ADD1: variants seen among roughly 807,000 people sequenced by gnomAD.
ADD1 encodes alpha-adducin.
ADD1 carries 24 observed loss-of-function variants against 80.5 expected under a neutral mutation model. The observed-to-expected ratio is 0.30, with a 90% CI of 0.22 to 0.42. ADD1 has a LOEUF of 0.42. Among genes scored for constraint, ADD1 ranks in the 10% least tolerant of loss-of-function variants. The probability of loss-of-function intolerance (pLI) is 1.00; values close to 1 mark genes in which losing one functional copy is unlikely to be tolerated. For missense variants in ADD1, 948 were observed against 1,019.0 expected, an observed-to-expected ratio of 0.93 and a Z score of 0.95; for synonymous variants, 373 against 393.8, an observed-to-expected ratio of 0.95 and a Z score of 0.63.
Position 2,926,810 on chromosome 4 carries a change from T to G in ADD1, c.2047+698T>G. On this transcript the variant is annotated intron_variant, in intron 15 of 15. Coordinates refer to ENST00000683351, the MANE Select transcript of ADD1 (RefSeq NM_001354761.2). This position sits in a 1 kb window ranked among gnomAD's most constrained non-coding sequence, Gnocchi z 5.0. ...AGAAGCCCCCCTTTTTTGTACCCAG[T>G]CCCTTGGAGGCCTTCCTGGAAGTGG... is the stretch of plus-strand genomic sequence containing the variant. The G allele has an allele frequency of 1.0e-6, 1 of 1,000,848 alleles. No homozygotes were observed. The highest frequency in any genetic ancestry group is 1.5e-6 in the Non-Finnish European group (1 of 681,460). 62.0% of individuals were successfully genotyped at this position (1,000,848 alleles called of 1,614,324 possible).
At chr4:2,919,457 G>A (rs545618022) in intron 14 of ADD1, among the ~76,000 whole-genome samples, 11 of 152,226 alleles carry the variant, frequency 7.2e-5, no homozygotes, top group Non-Finnish European at 1.2e-4. Flanking sequence ...CTGTGAATCC[G>A]TCTGGTCCTG....
chr4:2,876,113 G>A lies in ADD1; in HGVS notation c.195+3G>A, dbSNP rs1387377664. On this transcript the variant is annotated splice_donor_region_variant and intron_variant, in intron 2 of 15. Transcript: ENST00000683351. ...TGTCCATGATTCTGCAAAGCCCTGT[G>A]AGAAGAGAAGTCTTTTCTCTGACCA... is the stretch of plus-strand genomic sequence containing the variant. The A allele has an allele frequency of 6.2e-7, 1 of 1,609,956 alleles. No homozygotes were observed. The highest frequency in any genetic ancestry group is 1.1e-5 in the South Asian group (1 of 90,344).
At chr4:2,897,128 G>C (rs1040714609) in intron 6 of ADD1, among the ~76,000 whole-genome samples, 1 of 152,042 alleles carries the variant, frequency 6.6e-6, no homozygotes, top group African/African-American at 2.4e-5. Flanking sequence ...CTGATACTTT[G>C]GAAGGAGTTA....
At position 2,904,059 on chromosome 4, in the gene ADD1, A is replaced by G. The variant is rs549720694; in HGVS notation, c.1162-705A>G. Among the ~76,000 whole-genome samples, 4 of 152,274 alleles carry G rather than the reference A, an allele frequency of 2.6e-5. No homozygotes were observed. The East Asian group carries it at 7.7e-4, about 29-fold the overall frequency. ...ATTTAAACTGTAACTTAAGAGGTAA[A>G]AGTCTATTAAGTATGTTGATGAATA... On this transcript the variant is annotated intron_variant, in intron 9 of 15. Transcript: ENST00000683351.
Position 2,905,218 on chromosome 4 carries a change from C to T in ADD1, c.1506+110C>T, listed in dbSNP as rs569699001. 2.8e-5 allele frequency: 27 copies of T among 966,922 alleles called. No individual in the cohort carries two copies. In the African/African-American group the frequency reaches 3.6e-4, roughly 13 times the overall value. 59.9% of individuals were successfully genotyped at this position (966,922 alleles called of 1,614,324 possible). ...TTTCTGACCCAGGTGTAAAGCGAAC[C>T]TTCCTTATTCACTTTCTTGTAGTCT... On this transcript the variant is annotated intron_variant, in intron 10 of 15. Transcript: ENST00000683351.
intron 4 of ADD1, among the ~76,000 whole-genome samples, 190 bp from the exon 5 acceptor site, chr4:2,893,823 T>C (rs1734708963): frequency 6.6e-6 from 1 of 152,150 alleles, no homozygotes; most frequent in South Asian, 2.1e-4. Context: ...ACTTCATATA[T>C]GTGATAAATT....
chr4:2,919,184 A>G (rs1039177592), intron 14 of ADD1, among the ~76,000 whole-genome samples: 4 of 152,122 alleles, frequency 2.6e-5, no homozygotes, highest in Non-Finnish European at 5.9e-5. Flanking sequence ...GATGAAGCCA[A>G]CTTGATCGTG....
intron 5 of ADD1, 69 bp downstream of exon 5, chr4:2,894,162 C>A: frequency 2.4e-6 from 3 of 1,255,986 alleles, no homozygotes; most frequent in South Asian, 1.2e-5. Context: ...ATCTTCAGAT[C>A]AGCTAAATAT....
intron 1 of ADD1, among the ~76,000 whole-genome samples, chr4:2,874,803 A>T (rs1319025235): frequency 6.6e-6 from 1 of 152,210 alleles, no homozygotes; most frequent in Non-Finnish European, 1.5e-5. Context: ...TGTTATCCAA[A>T]GTGCGGTTCA....
In ADD1 at chr4:2,894,631, T is replaced by G; in HGVS notation, c.641T>G (p.Leu214Arg). ...ATAGTAGATCGTGGAAGCACTAATC[T>G]GGGAGTGAATCAGGCCGGCTTCACC... ...GDIVDRGSTN[L>R]GVNQAGFTLH... is the part of the protein sequence containing the mutation. The change falls in exon 6 of 16, where the codon CTG (leucine) becomes CGG (arginine). Residue 214 changes from leucine to arginine, a missense_variant. Physicochemically the swap from Leu to Arg is moderately radical, Grantham distance 102 (BLOSUM62 -2). Transcript: ENST00000683351. 1 of 1,610,158 alleles carries G rather than the reference T, an allele frequency of 6.2e-7. No individual in the cohort carries two copies. The highest frequency in any genetic ancestry group is 1.3e-5 in the African/African-American group (1 of 74,688).
chr4:2,896,847 C>A (rs1735326532), intron 6 of ADD1, among the ~76,000 whole-genome samples: 1 of 152,168 alleles, frequency 6.6e-6, no homozygotes, highest in South Asian at 2.1e-4. Context: ...CAACTTGCAT[C>A]TCCTGGGTTC....
intron 2 of ADD1, among the ~76,000 whole-genome samples, chr4:2,881,194 C>T (rs1408142795): frequency 6.8e-6 from 1 of 147,424 alleles, no homozygotes; most frequent in Non-Finnish European, 1.5e-5. Context: ...TCTCCTTTCT[C>T]AGCCTCCCAA....
chr4:2,875,703 G>A (rs1435662933), intron 1 of ADD1, among the ~76,000 whole-genome samples, 193 bp from the exon 2 acceptor site: 2 of 152,126 alleles, frequency 1.3e-5, no homozygotes, highest in Non-Finnish European at 2.9e-5. Context: ...TTGGTTAGTG[G>A]GAGGGTGGGA....
chr4:2,884,755 A>T (rs1732968869), intron 4 of ADD1, 89 bp downstream of exon 4: 1 of 1,414,458 alleles, frequency 7.1e-7, no homozygotes, highest in Non-Finnish European at 9.5e-7. Context: ...AGAGGGAAGC[A>T]GGCTGAGCTT....
chr4:2,869,541 G>A (rs1730092591), intron 1 of ADD1, among the ~76,000 whole-genome samples: 1 of 152,150 alleles, frequency 6.6e-6, no homozygotes, highest in South Asian at 2.1e-4. Context: ...GGGGGTTAGG[G>A]CTTCAACATG....
chr4:2,845,887 CCTTT>C (rs1726128031), intron 1 of ADD1, among the ~76,000 whole-genome samples: 2 of 152,162 alleles, frequency 1.3e-5, no homozygotes, highest in Non-Finnish European at 2.9e-5. Flanking sequence ...GACTGCCCTT[CCTTT>C]CTTTCCTTCC....
In ADD1 at chr4:2,898,309, T is replaced by G. The variant is rs767821435; in HGVS notation, c.867T>G (p.Asn289Lys). 12 of 1,614,156 alleles carry G rather than the reference T, an allele frequency of 7.4e-6. No individual in the cohort carries two copies. The highest frequency in any genetic ancestry group is 9.3e-6 in the Non-Finnish European group (11 of 1,180,024). ...DEEEKVLIQKNLGPKSKVLIL... is the reference protein window; with the variant it reads ...DEEEKVLIQKKLGPKSKVLIL... ...AGGAAAAAGTTTTGATTCAGAAAAA[T>G]CTGGGGCCTAAAAGCAAGGTCAGTA... Residue 289 changes from asparagine (N) to lysine (K), a missense_variant, in exon 7 of 16, where the codon AAT (asparagine) becomes AAG (lysine). Asn to Lys is a moderately conservative substitution (Grantham distance 94). Transcript: ENST00000683351.
intron 1 of ADD1, among the ~76,000 whole-genome samples, chr4:2,875,596 ATTTAG>A (rs1433987790): frequency 6.6e-6 from 1 of 152,246 alleles, no homozygotes; most frequent in Non-Finnish European, 1.5e-5. Context: ...AAAGTTTAAT[ATTTAG>A]TTCTTTTTGG....
chr4:2,922,895 G>C (rs1480976674), intron 14 of ADD1, among the ~76,000 whole-genome samples: 1 of 152,226 alleles, frequency 6.6e-6, no homozygotes, highest in Non-Finnish European at 1.5e-5. Context: ...GCTGCGGTGG[G>C]CTCTGCCCAG....
Sources: gnomAD v4.1 joint callset for allele counts (sites outside exome capture counted in the v4.1 genomes callset) on GRCh38, gnomAD v4.1.1 for gene constraint, Gnocchi (gnomAD v3.1) non-coding constraint, MANE v1.5 for transcripts, NCBI Gene and HGNC (gene_info 2026-07-23, HGNC 2026-07-21) for gene names.